The following PPM1L variants were observed in gnomAD, a reference collection of about 807,000 sequenced individuals.
The protein encoded by PPM1L is protein phosphatase 1L.
A neutral mutation model predicts 31.4 loss-of-function variants in PPM1L; 13 were observed. The observed-to-expected ratio is 0.41, with a 90% CI of 0.27 to 0.66. The LOEUF (loss-of-function observed/expected upper bound fraction) is 0.66, where lower values mean the gene tolerates loss of function less well. Ranked by LOEUF, PPM1L falls within the 30% of genes least tolerant of loss-of-function variation. PPM1L has a pLI of 0.29. For missense variants in PPM1L, 326 were observed against 453.7 expected (o/e 0.72, Z 2.56); for synonymous variants, 184 against 175.4 (o/e 1.05, Z -0.39).
intron 1 of PPM1L, among the ~76,000 whole-genome samples, chr3:160,824,141 G>A (rs567084747): frequency 6.6e-6 from 1 of 152,046 alleles, no homozygotes; most frequent in African/African-American, 2.4e-5. Flanking sequence ...AATTAGATGC[G>A]GAGTGTGGAA....
intron 1 of PPM1L, among the ~76,000 whole-genome samples, chr3:160,765,880 A>G (rs940213116): frequency 2.0e-5 from 3 of 152,176 alleles, no homozygotes; most frequent in Non-Finnish European, 4.4e-5. Context: ...AATTTTAAGC[A>G]GCAAATATCA....
chr3:161,038,335 A>G (rs968569096), intron 2 of PPM1L, among the ~76,000 whole-genome samples: 1 of 151,946 alleles, frequency 6.6e-6, no homozygotes, highest in Non-Finnish European at 1.5e-5. Context: ...TTTTAGAGAC[A>G]GGGTCTCTCT....
chr3:160,795,234 A>C (rs1370010311), intron 1 of PPM1L, among the ~76,000 whole-genome samples: 1 of 152,180 alleles, frequency 6.6e-6, no homozygotes, highest in Admixed American at 6.5e-5. Flanking sequence ...AAAGTTTGTC[A>C]TTTTTAAAAA....
intron 2 of PPM1L, among the ~76,000 whole-genome samples, chr3:161,043,746 T>C (rs750241047): frequency 2.6e-5 from 4 of 152,216 alleles, no homozygotes; most frequent in African/African-American, 4.8e-5. Context: ...CACTGAAGAC[T>C]CTCCAGTTCT....
chr3:160,896,341 C>T (rs193085491), intron 1 of PPM1L, among the ~76,000 whole-genome samples: 7 of 152,148 alleles, frequency 4.6e-5, no homozygotes, highest in Non-Finnish European at 1.0e-4. Flanking sequence ...TTTATCTAAA[C>T]ATCTTTTTTG....
At chr3:161,062,470 C>G (rs1312510204) in intron 2 of PPM1L, among the ~76,000 whole-genome samples, 2 of 152,134 alleles carry the variant, frequency 1.3e-5, no homozygotes, top group Non-Finnish European at 2.9e-5. Context: ...CACCTACCCT[C>G]TATCCCTATA....
At position 161,078,824 on chromosome 3, in the gene PPM1L, T is replaced by C. The variant is rs963727290; in HGVS notation, c.*9667T>C. On this transcript the variant is annotated 3_prime_UTR_variant, in exon 4 of 4. Transcript: ENST00000498165. ...TCATGCTATCTCTGATCCTGTGGTG[T>C]TGTATAAAAATGAACAGCTAAAAAT... 2 of 152,194 alleles carry C rather than the reference T, an allele frequency of 1.3e-5. No homozygotes were observed. Among genetic ancestry groups the C allele is most frequent in the Non-Finnish European group, 2.9e-5 (2 of 68,036 alleles). The allele number at this position is 152,194 out of a possible 1,614,324, so 9.4% of individuals were successfully genotyped here. A position where few individuals can be genotyped will look rare whatever the true frequency, so the allele number is the denominator to read the frequency against.
At chr3:160,854,098 T>C (rs1370165776) in intron 1 of PPM1L, among the ~76,000 whole-genome samples, 2 of 152,200 alleles carry the variant, frequency 1.3e-5, no homozygotes, top group Non-Finnish European at 2.9e-5. Context: ...CCCAGTTATT[T>C]AGAGAGATCT....
intron 1 of PPM1L, among the ~76,000 whole-genome samples, chr3:160,938,230 T>C (rs1715043491): frequency 6.6e-6 from 1 of 152,202 alleles, no homozygotes; most frequent in Non-Finnish European, 1.5e-5. Context: ...TCTGATTTCT[T>C]AGCTGGTTCT....
chr3:161,024,698 CAA>C (rs35498356), intron 2 of PPM1L, among the ~76,000 whole-genome samples: 3,795 of 133,070 alleles, frequency 0.029, 80 homozygotes, highest in South Asian at 0.047. Flanking sequence ...AACTCCATCT[CAA>C]AAAAAAAAAA....
At chr3:160,854,600 A>T (rs113372469) in intron 1 of PPM1L, among the ~76,000 whole-genome samples, 2,902 of 152,156 alleles carry the variant, frequency 0.019, 98 homozygotes, top group African/African-American at 0.067. Flanking sequence ...CAGTAGAGAC[A>T]CATACACACA....
chr3:160,905,439 A>G (rs1713723330), intron 1 of PPM1L, among the ~76,000 whole-genome samples: 1 of 152,220 alleles, frequency 6.6e-6, no homozygotes, highest in Admixed American at 6.5e-5. Flanking sequence ...TGCCCGTCTA[A>G]TAGTTCTGAG....
At chr3:160,827,481 G>GTGTGTGTGTGTA (rs1553810064) in intron 1 of PPM1L, among the ~76,000 whole-genome samples, 1 of 150,576 alleles carries the variant, frequency 6.6e-6, no homozygotes, top group African/African-American at 2.4e-5. Context: ...GTGTGTGTGT[G>GTGTGTGTGTGTA]TGTATGTATG....
chr3:161,047,108 A>G (rs1298908580), intron 2 of PPM1L, among the ~76,000 whole-genome samples: 1 of 152,166 alleles, frequency 6.6e-6, no homozygotes, highest in Admixed American at 6.5e-5. Flanking sequence ...GGCAGGAGAA[A>G]GAAATAAAGG....
intron 2 of PPM1L, among the ~76,000 whole-genome samples, chr3:161,020,148 C>T (rs906211937): frequency 6.6e-6 from 1 of 150,436 alleles, no homozygotes; most frequent in African/African-American, 2.4e-5. Context: ...AAAAGTTGTA[C>T]TAAGCCTAGA....
intron 1 of PPM1L, among the ~76,000 whole-genome samples, chr3:160,885,027 A>G (rs142676965): frequency 1.1e-3 from 168 of 152,236 alleles, no homozygotes; most frequent in Non-Finnish European, 1.7e-3. Flanking sequence ...TCAAAAGGCA[A>G]ATTCTATAGT....
chr3:160,825,074 T>C (rs1425760126), intron 1 of PPM1L, among the ~76,000 whole-genome samples: 1 of 152,150 alleles, frequency 6.6e-6, no homozygotes, highest in Non-Finnish European at 1.5e-5. Flanking sequence ...AAATCTGTGG[T>C]CAGCTCAGCC....
intron 1 of PPM1L, among the ~76,000 whole-genome samples, chr3:160,864,537 A>G (rs56741972): frequency 0.11 from 16,985 of 152,204 alleles, 1,957 homozygotes; most frequent in African/African-American, 0.29. Context: ...GAAAGGATAT[A>G]TAAATGAAAA....
At chr3:160,979,518 C>T (rs1716724272) in intron 2 of PPM1L, among the ~76,000 whole-genome samples, 1 of 151,904 alleles carries the variant, frequency 6.6e-6, no homozygotes, top group Admixed American at 6.6e-5. Context: ...AGCCAGGAAA[C>T]AATTTTTTTT....
Sources: gnomAD v4.1 joint callset for allele counts (sites outside exome capture counted in the v4.1 genomes callset) on GRCh38, gnomAD v4.1.1 for gene constraint, MANE v1.5 for transcripts, NCBI Gene and HGNC (gene_info 2026-07-23, HGNC 2026-07-21) for gene names.